DCX: variants seen among roughly 807,000 people sequenced by gnomAD.
DCX encodes the protein doublecortin.
In DCX, 4 loss-of-function variants were observed where a neutral mutation model predicts 20.9. The ratio of observed to expected loss-of-function variants is 0.19; its 90% CI spans 0.09 to 0.44. DCX has a LOEUF of 0.44. DCX is among the 20% of genes least tolerant of loss of function. The pLI, the probability that DCX is intolerant of heterozygous loss-of-function variation, is 0.99. For missense variants in DCX, 133 were observed against 296.9 expected, an observed-to-expected ratio of 0.45 and a Z score of 4.06; for synonymous variants, 103 against 111.4, an observed-to-expected ratio of 0.92 and a Z score of 0.47.
At chrX:111,368,153 C>A (rs1445209777) in intron 3 of DCX, among the ~76,000 whole-genome samples, 1 of 111,087 alleles carries the variant, frequency 9.0e-6, no homozygotes, top group Non-Finnish European at 1.9e-5. Context: ...ATTGAAGTAG[C>A]CTTGCAATTT....
At chrX:111,311,363 C>CA (rs2095057365) in intron 6 of DCX, among the ~76,000 whole-genome samples, 1 of 111,586 alleles carries the variant, frequency 9.0e-6, no homozygotes, top group African/African-American at 3.3e-5. Flanking sequence ...CCAGATTAGC[C>CA]AGGAAATTAA....
At chrX:111,348,549 G>A (rs770103827) in intron 3 of DCX, among the ~76,000 whole-genome samples, 1 of 111,344 alleles carries the variant, frequency 9.0e-6, no homozygotes, top group African/African-American at 3.3e-5. Context: ...ACATGCCCAG[G>A]ACTGACACCT....
intron 2 of DCX, among the ~76,000 whole-genome samples, chrX:111,402,875 C>T (rs920741215): frequency 7.4e-5 from 8 of 107,804 alleles, no homozygotes; most frequent in Admixed American, 5.0e-4. Flanking sequence ...TCCAAAGCTG[C>T]CCTCAGTCCC....
intron 5 of DCX, among the ~76,000 whole-genome samples, chrX:111,321,930 C>A (rs2095087512): frequency 8.9e-6 from 1 of 111,990 alleles, no homozygotes; most frequent in South Asian, 3.8e-4. Context: ...CAGACCAAAC[C>A]AAGTTAATGC....
At chrX:111,408,894 G>A (rs891094622) in intron 2 of DCX, among the ~76,000 whole-genome samples, 3 of 111,431 alleles carry the variant, frequency 2.7e-5, no homozygotes, top group Admixed American at 9.5e-5. Context: ...TGAAGCAGAG[G>A]CAGGTTTTTC....
chrX:111,374,572 C>T (rs1478619493), intron 3 of DCX, among the ~76,000 whole-genome samples: 1 of 111,285 alleles, frequency 9.0e-6, no homozygotes, highest in African/African-American at 3.3e-5. Context: ...GCAGGCTACT[C>T]ATCTTGGGCA....
intron 3 of DCX, among the ~76,000 whole-genome samples, chrX:111,395,362 T>C (rs1927246990): frequency 8.9e-6 from 1 of 112,219 alleles, no homozygotes; most frequent in South Asian, 3.7e-4. Context: ...ACTGGAATTC[T>C]ATGCCAAAGC....
chrX:111,370,395 C>A (rs1179556072), intron 3 of DCX, among the ~76,000 whole-genome samples: 4 of 111,561 alleles, frequency 3.6e-5, no homozygotes, highest in African/African-American at 1.3e-4. Flanking sequence ...AATGCAGAAT[C>A]TTAGACCTCA....
intron 5 of DCX, among the ~76,000 whole-genome samples, chrX:111,320,165 G>T (rs897729088): frequency 3.6e-5 from 4 of 112,161 alleles, no homozygotes; most frequent in African/African-American, 6.5e-5. Flanking sequence ...ATTAAGTAAT[G>T]TAGACTTGCA....
chrX:111,313,903 G>T (rs1410724357), intron 5 of DCX, among the ~76,000 whole-genome samples: 2 of 85,961 alleles, frequency 2.3e-5, no homozygotes, highest in Non-Finnish European at 4.4e-5. Context: ...GAGGGGGAGG[G>T]AGAAAGAGTG....
intron 3 of DCX, among the ~76,000 whole-genome samples, chrX:111,349,079 G>GA (rs1490991979): frequency 9.9e-5 from 11 of 110,923 alleles, no homozygotes; most frequent in Non-Finnish European, 2.1e-4. Context: ...CTTCTCCCTA[G>GA]AAAAAATGCA....
At chrX:111,382,028 T>G (rs1926013671) in intron 3 of DCX, among the ~76,000 whole-genome samples, 1 of 111,883 alleles carries the variant, frequency 8.9e-6, no homozygotes, top group Admixed American at 9.5e-5. Context: ...TCAGAATTAC[T>G]GGCAAAGATT....
intron 5 of DCX, among the ~76,000 whole-genome samples, chrX:111,324,364 C>G (rs2095094485): frequency 8.9e-6 from 1 of 111,889 alleles, no homozygotes; most frequent in Non-Finnish European, 1.9e-5. Context: ...TGAGCTCTCT[C>G]CCATGAACTC....
Position 111,319,766 on chromosome X carries a change from G to A in DCX, c.947-7030C>T, listed in dbSNP as rs961883915. On this transcript the variant is annotated intron_variant, in intron 5 of 6. Coordinates refer to ENST00000636035, the MANE Select transcript of DCX (RefSeq NM_001195553.2). ...ACTCTTCCAAAAGAGCTGTGACCTC[G>A]GCCATAAAGTCTGAGTGGTGGGCAA... Among the ~76,000 whole-genome samples the A allele has an allele frequency of 4.5e-5, 5 of 111,860 alleles. No homozygotes were observed. The East Asian group carries it at 8.4e-4, about 19-fold the overall frequency.
chrX:111,399,672 T>G (rs1329159872), intron 3 of DCX, among the ~76,000 whole-genome samples: 1 of 111,950 alleles, frequency 8.9e-6, no homozygotes, highest in Non-Finnish European at 1.9e-5. Flanking sequence ...TTCTCTGAGA[T>G]GAGGCTTTGG....
chrX:111,339,351 A>G (rs979106826), intron 3 of DCX, among the ~76,000 whole-genome samples: 2 of 110,983 alleles, frequency 1.8e-5, no homozygotes, highest in Admixed American at 9.6e-5. Flanking sequence ...GAATGGGTTA[A>G]TGGATTAATG....
chrX:111,374,806 C>T lies in DCX; in HGVS notation c.705+26184G>A, dbSNP rs770312810. On this transcript the variant is annotated intron_variant, in intron 3 of 6. Coordinates refer to ENST00000636035, the MANE Select transcript of DCX (RefSeq NM_001195553.2). The stretch of plus-strand genomic sequence containing the variant: ...TAACCCTGGCCCTGAGCTCTGGTGA[C>T]ATTAACCCTTTGTTCTGCCAGTCCT... 4.6e-5 allele frequency among the ~76,000 whole-genome samples: 5 copies of T among 109,151 alleles called. No homozygotes were observed. In the East Asian group the frequency reaches 1.2e-3, roughly 25 times the overall value. The allele number at this position is 109,151 out of a possible 115,157, so 94.8% of individuals were successfully genotyped here. A position where few individuals can be genotyped will look rare whatever the true frequency, so the allele number is the denominator to read the frequency against.
At chrX:111,345,330 C>T (rs775118051) in intron 3 of DCX, among the ~76,000 whole-genome samples, 26 of 111,795 alleles carry the variant, frequency 2.3e-4, no homozygotes, top group Non-Finnish European at 3.6e-4. Context: ...GACATAGGCA[C>T]GGACAAAGAC....
Position 111,338,799 on chromosome X carries a change from A to G in DCX, c.706-5646T>C, listed in dbSNP as rs371188955. On this transcript the variant is annotated intron_variant, in intron 3 of 6. Transcript: ENST00000636035. Reference sequence around the variant, plus strand: ...GCACTTACATTTGTATGGTATTTTTACTGTTTTTGAAACACTTCCACATTT... The same window carrying G: ...GCACTTACATTTGTATGGTATTTTTGCTGTTTTTGAAACACTTCCACATTT... 2.9e-5 allele frequency among the ~76,000 whole-genome samples: 3 copies of G among 103,282 alleles called. No individual in the cohort carries two copies. The East Asian group carries it at 9.2e-4, about 32-fold the overall frequency. The allele number at this position is 103,282 out of a possible 115,157, so 89.7% of individuals were successfully genotyped here.
Sources: gnomAD v4.1 joint callset for allele counts (sites outside exome capture counted in the v4.1 genomes callset) on GRCh38, gnomAD v4.1.1 for gene constraint, MANE v1.5 for transcripts, NCBI Gene and HGNC (gene_info 2026-07-23, HGNC 2026-07-21) for gene names.